Variants in DOCK2 observed in about 807,000 individuals in gnomAD.
DOCK2 encodes the protein dedicator of cytokinesis protein 2.
Under a neutral mutation model 248.9 loss-of-function variants are expected in DOCK2, and 87 were observed. That is an observed-to-expected ratio of 0.35 (90% CI 0.29 to 0.42). The LOEUF is 0.42. Ranked by LOEUF, DOCK2 falls within the 10% of genes least tolerant of loss-of-function variation. The probability of loss-of-function intolerance (pLI) is 1.00; values close to 1 mark genes in which losing one functional copy is unlikely to be tolerated. For missense variants in DOCK2, 1,747 were observed against 2,300.2 expected (o/e 0.76, Z 4.92); for synonymous variants, 805 against 821.6 (o/e 0.98, Z 0.35).
At chr5:169,654,540 T>TG in intron 2 of DOCK2, 54 bp downstream of exon 2, 1 of 1,591,076 alleles carries the variant, frequency 6.3e-7, no homozygotes, top group Non-Finnish European at 8.6e-7. Context: ...TGGAAGCCTA[T>TG]AGTACACCCA....
At chr5:170,080,057 G>T in intron 49 of DOCK2, 106 bp from the exon 50 acceptor site, 1 of 1,549,856 alleles carries the variant, frequency 6.5e-7, no homozygotes. Context: ...CAGCTTCATA[G>T]AAACCATGCC....
chr5:170,076,070 G>C lies in DOCK2; in HGVS notation c.4852G>C (p.Gly1618Arg). ...GAAAATGAAGGTGGAGAAGGAGTAC[G>C]GTGTCCGAGAGATGGTATGGGTGGT... ...NLKMKVEKEY[G>R]VREMPDFDDR... Residue 1618 changes from glycine to arginine, a missense_variant, in exon 47 of 52, where the codon GGT (glycine) becomes CGT (arginine). Physicochemically the swap from Gly to Arg is moderately radical, Grantham distance 125. This residue lies in a region of DOCK2 where 513 missense variants were observed against 586.1 expected (regional missense o/e 0.88). Coordinates refer to ENST00000520908, the MANE Select transcript of DOCK2 (RefSeq NM_004946.3). 2 of 1,614,102 alleles carry C rather than the reference G, an allele frequency of 1.2e-6. No individual in the cohort carries two copies. Among genetic ancestry groups the C allele is most frequent in the Non-Finnish European group, 1.7e-6 (2 of 1,180,006 alleles).
intron 27 of DOCK2, among the ~76,000 whole-genome samples, chr5:169,849,044 C>G (rs187006117): frequency 7.9e-5 from 12 of 152,208 alleles, no homozygotes; most frequent in Admixed American, 7.2e-4. Context: ...CTCCTCCCAA[C>G]CCCAGTCCGT....
intron 36 of DOCK2, 93 bp from the exon 37 acceptor site, chr5:170,040,962 G>A (rs2113843515): frequency 4.5e-6 from 5 of 1,115,550 alleles, no homozygotes; most frequent in Non-Finnish European, 6.8e-6. Flanking sequence ...ACCCAGAGAG[G>A]TGCCCAGTTG....
At chr5:170,047,642 G>C in intron 40 of DOCK2, 28 bp downstream of exon 40, 1 of 1,603,234 alleles carries the variant, frequency 6.2e-7, no homozygotes, top group Non-Finnish European at 8.5e-7. Flanking sequence ...TTGGACACCA[G>C]GCGAGAGCCC....
intron 26 of DOCK2, among the ~76,000 whole-genome samples, chr5:169,816,857 T>C (rs941926914): frequency 3.3e-5 from 5 of 152,204 alleles, no homozygotes; most frequent in Admixed American, 6.5e-5. Flanking sequence ...CTTTTAGTTA[T>C]GTTAAATGTG....
rs936257559 is a variant in DOCK2, at chr5:170,045,828, G to A, written c.3889G>A (p.Ala1297Thr). Reference protein sequence around the residue: ...YFDKGKMWEEAISLCKELAEQ... With the variant: ...YFDKGKMWEETISLCKELAEQ... ...GACCTTCCTGTAGATGTGGGAAGAG[G>A]CCATAAGTCTGTGCAAGGAGCTGGC... The change falls in exon 39 of 52, where the codon GCC becomes ACC. Residue 1297 changes from alanine (A) to threonine (T), a missense_variant. Around this residue, in one of 4 missense-constraint regions of DOCK2, gnomAD observed 858 missense variants for 1,183.5 expected, o/e 0.72. Coordinates refer to ENST00000520908, the MANE Select transcript of DOCK2 (RefSeq NM_004946.3). 5 of 1,613,966 alleles carry A rather than the reference G, an allele frequency of 3.1e-6. No homozygotes were observed. The highest frequency in any genetic ancestry group is 4.2e-6 in the Non-Finnish European group (5 of 1,180,010).
intron 30 of DOCK2, 144 bp downstream of exon 30, chr5:169,996,308 G>A: frequency 1.3e-6 from 1 of 778,094 alleles, no homozygotes; most frequent in African/African-American, 1.8e-5. Flanking sequence ...TTATGGCTGG[G>A]GAGAAAATTC....
In DOCK2 at chr5:170,027,941, G is replaced by A; in HGVS notation, c.3460G>A (p.Glu1154Lys). The A allele has an allele frequency of 6.2e-7, 1 of 1,612,378 alleles. No homozygotes were observed. Among genetic ancestry groups the A allele is most frequent in the Non-Finnish European group, 8.5e-7 (1 of 1,179,022 alleles). Residue 1154 changes from glutamate to lysine, a missense_variant, in exon 34 of 52, where the codon GAG becomes AAG. By Grantham distance (56) the Glu-to-Lys change is moderately conservative. This residue lies in a region of DOCK2 where 858 missense variants were observed against 1,183.5 expected (regional missense o/e 0.72). Transcript: ENST00000520908. The stretch of plus-strand genomic sequence containing the variant: ...CGACGAGCAGTACATGCAGCTCCTG[G>A]AGTCAATGTAAGTTCAGTGCCCTGT... ...RGDEQYMQLLESILMECAAEH... is the reference protein window; with the variant it reads ...RGDEQYMQLLKSILMECAAEH...
chr5:169,880,827 A>G (rs934435374), intron 27 of DOCK2, among the ~76,000 whole-genome samples: 10 of 152,190 alleles, frequency 6.6e-5, no homozygotes, highest in Admixed American at 2.0e-4. Context: ...TGTCACTTAT[A>G]AAAATTTACT....
intron 26 of DOCK2, among the ~76,000 whole-genome samples, chr5:169,828,448 G>A (rs113069814): frequency 5.3e-5 from 8 of 152,164 alleles, no homozygotes; most frequent in South Asian, 2.1e-4. Context: ...GAAGGGATTT[G>A]TGGGAGAAGT....
At chr5:169,709,408 A>G (rs547814952) in intron 15 of DOCK2, among the ~76,000 whole-genome samples, 2 of 152,308 alleles carry the variant, frequency 1.3e-5, no homozygotes, top group Non-Finnish European at 2.9e-5. Context: ...TTTTATTAAA[A>G]TAACGTTTTA....
chr5:170,048,713 G>A (rs1388296606), intron 40 of DOCK2, among the ~76,000 whole-genome samples: 2 of 152,144 alleles, frequency 1.3e-5, no homozygotes, highest in Non-Finnish European at 2.9e-5. Flanking sequence ...GTGATCTTGT[G>A]GTTCCTGAGA....
rs907866389 is a variant in DOCK2 at position 169,731,653 on chromosome 5, T to C, written c.2267+12862T>C. 2.8e-5 allele frequency among the ~76,000 whole-genome samples: 4 copies of C among 144,644 alleles called. No homozygotes were observed. The Admixed American group carries it at 2.8e-4, about 10-fold the overall frequency. The allele number at this position is 144,644 out of a possible 152,430, so 94.9% of individuals were successfully genotyped here. On this transcript the variant is annotated intron_variant, in intron 22 of 51. Coordinates refer to ENST00000520908, the MANE Select transcript of DOCK2 (RefSeq NM_004946.3). ...ATTATTAGCAGTCATTGTGCCCAGG[T>C]ACATTCTTGTACACAAGTGTATTTT...
At chr5:169,731,041 A>G (rs1230924108) in intron 22 of DOCK2, among the ~76,000 whole-genome samples, 1 of 151,854 alleles carries the variant, frequency 6.6e-6, no homozygotes, top group Non-Finnish European at 1.5e-5. Context: ...TAATTTTTAA[A>G]TTTTTTTGTG....
chr5:169,811,373 G>A (rs1467565962), intron 26 of DOCK2, among the ~76,000 whole-genome samples: 1 of 152,236 alleles, frequency 6.6e-6, no homozygotes, highest in African/African-American at 2.4e-5. Context: ...CCCTGCAAGA[G>A]CAGCAGGGTT....
intron 22 of DOCK2, among the ~76,000 whole-genome samples, chr5:169,733,967 A>G (rs1762911613): frequency 6.6e-6 from 1 of 152,156 alleles, no homozygotes. Context: ...GCTTTTTTAA[A>G]TATTCACATT....
chr5:169,955,165 G>A (rs548953369), intron 27 of DOCK2, among the ~76,000 whole-genome samples: 18 of 152,308 alleles, frequency 1.2e-4, no homozygotes, highest in Admixed American at 2.0e-4. Context: ...CATGTCAGGA[G>A]GATGACGAGA....
intron 25 of DOCK2, among the ~76,000 whole-genome samples, chr5:169,781,366 A>G (rs1488423251): frequency 3.3e-5 from 5 of 152,198 alleles, no homozygotes; most frequent in Admixed American, 6.5e-5. Flanking sequence ...TTTAAACTCT[A>G]GTCCAGGAAA....
Sources: gnomAD v4.1 joint callset for allele counts (sites outside exome capture counted in the v4.1 genomes callset) on GRCh38, gnomAD v4.1.1 for gene constraint, gnomAD v4.1.1 regional missense constraint, MANE v1.5 for transcripts, NCBI Gene and HGNC (gene_info 2026-07-23, HGNC 2026-07-21) for gene names.